SLC24A3: variants seen among roughly 807,000 people sequenced by gnomAD.
SLC24A3 encodes the protein sodium/potassium/calcium exchanger 3.
In SLC24A3, 28 loss-of-function variants were observed where a neutral mutation model predicts 75.8. That is an observed-to-expected ratio of 0.37 (90% CI 0.27 to 0.51). The LOEUF is 0.51. Ranked by LOEUF, SLC24A3 falls within the 20% of genes least tolerant of loss-of-function variation. The probability of loss-of-function intolerance (pLI) is 0.94; values close to 1 mark genes in which losing one functional copy is unlikely to be tolerated. For missense variants in SLC24A3, 663 were observed against 847.8 expected (o/e 0.78, Z 2.71); for synonymous variants, 372 against 334.1 (o/e 1.11, Z -1.24).
At chr20:19,582,023 G>C (rs1395719489) in intron 4 of SLC24A3, among the ~76,000 whole-genome samples, 1 of 152,206 alleles carries the variant, frequency 6.6e-6, no homozygotes, top group Non-Finnish European at 1.5e-5. Context: ...GACAATGTTG[G>C]CTCCATGGAC....
At chr20:19,324,408 T>C (rs1321879626) in intron 2 of SLC24A3, among the ~76,000 whole-genome samples, 2 of 152,210 alleles carry the variant, frequency 1.3e-5, no homozygotes, top group Non-Finnish European at 2.9e-5. Flanking sequence ...AAATTATACA[T>C]CCTGTGGCAT....
At chr20:19,282,065 T>C (rs1305096006) in intron 2 of SLC24A3, among the ~76,000 whole-genome samples, 2 of 152,078 alleles carry the variant, frequency 1.3e-5, no homozygotes, top group African/African-American at 4.8e-5. Flanking sequence ...CAAAGGTCTG[T>C]CTCATCTTTA....
intron 2 of SLC24A3, among the ~76,000 whole-genome samples, chr20:19,463,993 C>T (rs1000307437): frequency 2.6e-5 from 4 of 152,220 alleles, no homozygotes; most frequent in Non-Finnish European, 4.4e-5. Context: ...CAGCCCAGCC[C>T]TGAACACTTG....
intron 2 of SLC24A3, among the ~76,000 whole-genome samples, chr20:19,461,895 C>A (rs1987682987): frequency 6.6e-6 from 1 of 152,164 alleles, no homozygotes; most frequent in Non-Finnish European, 1.5e-5. Flanking sequence ...AAAGTATAAG[C>A]ATTTTCCCCA....
intron 3 of SLC24A3, among the ~76,000 whole-genome samples, chr20:19,567,101 G>GCCATAA (rs2030970589): frequency 6.6e-6 from 1 of 152,194 alleles, no homozygotes; most frequent in Admixed American, 6.6e-5. Flanking sequence ...GCCATTTGGA[G>GCCATAA]GTTTGTCAAG....
At chr20:19,469,960 T>C (rs566482377) in intron 2 of SLC24A3, among the ~76,000 whole-genome samples, 28 of 152,256 alleles carry the variant, frequency 1.8e-4, no homozygotes, top group African/African-American at 6.3e-4. Context: ...TCTGCCCACA[T>C]AGACCTCCTC....
intron 3 of SLC24A3, among the ~76,000 whole-genome samples, chr20:19,575,025 A>C (rs1728936738): frequency 5.9e-5 from 9 of 151,948 alleles, no homozygotes; most frequent in Admixed American, 5.9e-4. Flanking sequence ...CCAAGTGGGT[A>C]GATCACTTGA....
intron 2 of SLC24A3, among the ~76,000 whole-genome samples, chr20:19,397,911 T>G (rs1444189785): frequency 1.3e-5 from 2 of 152,132 alleles, no homozygotes; most frequent in Admixed American, 6.6e-5. Flanking sequence ...GAAAGCTGAC[T>G]ATTCGTCTGC....
chr20:19,239,893 A>T lies in SLC24A3; in HGVS notation c.142+26909A>T, dbSNP rs73277083. Among the ~76,000 whole-genome samples, 1,168 of 152,130 alleles carry T rather than the reference A, an allele frequency of 7.7e-3. 16 individuals are homozygous for T. The highest frequency in any genetic ancestry group is 0.026 in the African/African-American group (1,099 of 41,484). The stretch of plus-strand genomic sequence containing the variant: ...GCTGGGAAGCTGCCCCCTCAGTTCT[A>T]TGGCCCTCGTTGGACTGTATGGGAC... On this transcript the variant is annotated intron_variant, in intron 1 of 16. Coordinates refer to ENST00000328041, the MANE Select transcript of SLC24A3 (RefSeq NM_020689.4).
intron 2 of SLC24A3, among the ~76,000 whole-genome samples, chr20:19,448,484 A>G (rs1250488902): frequency 6.6e-6 from 1 of 152,184 alleles, no homozygotes; most frequent in Admixed American, 6.5e-5. Flanking sequence ...GTGTTTTCCC[A>G]GGTGTCACAC....
intron 2 of SLC24A3, among the ~76,000 whole-genome samples, chr20:19,469,291 G>A (rs571120943): frequency 5.3e-5 from 8 of 152,264 alleles, no homozygotes; most frequent in African/African-American, 1.9e-4. Context: ...ACTCGAACAA[G>A]GAGATGGAGA....
chr20:19,274,273 C>T (rs948550151), intron 1 of SLC24A3, among the ~76,000 whole-genome samples: 1 of 151,896 alleles, frequency 6.6e-6, no homozygotes, highest in Non-Finnish European at 1.5e-5. Flanking sequence ...GCCCACTGGA[C>T]AGGCTGTGGA....
intron 1 of SLC24A3, among the ~76,000 whole-genome samples, chr20:19,231,500 C>T (rs1013364707): frequency 4.6e-5 from 7 of 152,100 alleles, no homozygotes; most frequent in Non-Finnish European, 7.3e-5. Context: ...CAACAGAAGC[C>T]GAGGTCAGAA....
intron 6 of SLC24A3, among the ~76,000 whole-genome samples, chr20:19,596,208 G>A (rs897930326): frequency 5.3e-5 from 8 of 152,120 alleles, no homozygotes; most frequent in Admixed American, 2.0e-4. Flanking sequence ...GATGGTGGCC[G>A]GGAGACCAGG....
chr20:19,471,512 G>C (rs923060113), intron 2 of SLC24A3, among the ~76,000 whole-genome samples: 5 of 152,154 alleles, frequency 3.3e-5, no homozygotes, highest in African/African-American at 1.2e-4. Context: ...TGGGGGCAGG[G>C]GTGTCCAGAT....
chr20:19,579,916 T>C, intron 3 of SLC24A3, 84 bp from the exon 4 acceptor site: 1 of 1,004,850 alleles, frequency 1.0e-6, no homozygotes, highest in Non-Finnish European at 1.6e-6. Flanking sequence ...CAGAAGACAT[T>C]ATCAAAGCAG....
chr20:19,419,742 C>T (rs1986885191), intron 2 of SLC24A3, among the ~76,000 whole-genome samples: 1 of 151,972 alleles, frequency 6.6e-6, no homozygotes, highest in African/African-American at 2.4e-5. Flanking sequence ...TCTCCTTTCA[C>T]TTCTGAGGGC....
At chr20:19,256,519 G>C (rs768551273) in intron 1 of SLC24A3, among the ~76,000 whole-genome samples, 1 of 151,912 alleles carries the variant, frequency 6.6e-6, no homozygotes, top group African/African-American at 2.4e-5. Flanking sequence ...TTGTAATTCC[G>C]GCACTTTGGG....
chr20:19,534,589 T>A (rs2030363434), intron 3 of SLC24A3, among the ~76,000 whole-genome samples: 1 of 152,156 alleles, frequency 6.6e-6, no homozygotes, highest in Admixed American at 6.5e-5. Flanking sequence ...TTGTTCGTAT[T>A]TTTAGTAGAG....
Sources: allele counts gnomAD v4.1 joint callset (sites outside exome capture counted in the v4.1 genomes callset), GRCh38; gene constraint gnomAD v4.1.1; transcripts MANE v1.5; gene names NCBI Gene and HGNC (gene_info 2026-07-23, HGNC 2026-07-21).